VANGL1: variants seen among roughly 807,000 people sequenced by gnomAD.
VANGL1 encodes VANGL planar cell polarity protein 1.
In VANGL1, 18 loss-of-function variants were observed where a neutral mutation model predicts 48.4. The ratio of observed to expected loss-of-function variants is 0.37; its 90% CI spans 0.26 to 0.55. VANGL1 has a LOEUF of 0.55. Among genes scored for constraint, VANGL1 ranks in the 20% least tolerant of loss-of-function variants. The pLI is 0.81. For missense variants in VANGL1, 667 were observed against 675.8 expected (o/e 0.99, Z 0.14); for synonymous variants, 257 against 261.8 (o/e 0.98, Z 0.18).
At chr1:115,643,168 G>A (rs567088349) in intron 1 of VANGL1, among the ~76,000 whole-genome samples, 1 of 152,314 alleles carries the variant, frequency 6.6e-6, no homozygotes, top group East Asian at 1.9e-4. Flanking sequence ...TGTATTCTTA[G>A]ACACTTAGTC....
chr1:115,666,582 AC>A (rs1557768612), intron 4 of VANGL1, among the ~76,000 whole-genome samples: 1 of 151,794 alleles, frequency 6.6e-6, no homozygotes. Flanking sequence ...GCTTTAAAAA[AC>A]TCAAGTCAGT....
chr1:115,685,260 A>G, intron 6 of VANGL1, 33 bp from the exon 7 acceptor site: 5 of 1,611,960 alleles, frequency 3.1e-6, no homozygotes, highest in Non-Finnish European at 4.2e-6. Context: ...GGCAGGCACC[A>G]TCCTGATTAC....
Position 115,663,791 on chromosome 1 carries a change from G to T in VANGL1, c.335G>T (p.Gly112Val), listed in dbSNP as rs2101005020. The change falls in exon 4 of 8, where the codon GGC (glycine) becomes GTC (valine). Residue 112 changes from glycine to valine, a missense_variant. Coordinates refer to ENST00000355485, the MANE Select transcript of VANGL1 (RefSeq NM_138959.3). ...GGGCTGGATTGCAAACGCTACCTGG[G>T]CCTCACCGTCGCCTCTTTTCTTGGA... ...SVGLDCKRYLGLTVASFLGLL... is the reference protein window; with the variant it reads ...SVGLDCKRYLVLTVASFLGLL... The T allele has an allele frequency of 6.2e-7, 1 of 1,614,180 alleles. No individual in the cohort carries two copies. Among genetic ancestry groups the T allele is most frequent in the East Asian group, 2.2e-5 (1 of 44,876 alleles).
intron 2 of VANGL1, 98 bp from the exon 3 acceptor site, chr1:115,659,543 G>A: frequency 7.4e-7 from 1 of 1,346,394 alleles, no homozygotes; most frequent in South Asian, 1.2e-5. Flanking sequence ...GTGTGTGTAT[G>A]TAGAATTTCC....
chr1:115,685,556 C>A, intron 7 of VANGL1, 29 bp downstream of exon 7: 2 of 1,607,848 alleles, frequency 1.2e-6, no homozygotes, highest in South Asian at 1.1e-5. Context: ...GCTCTGCCAC[C>A]GTCATCCTGG....
At chr1:115,682,115 A>G (rs1435888271) in intron 4 of VANGL1, among the ~76,000 whole-genome samples, 3 of 152,214 alleles carry the variant, frequency 2.0e-5, no homozygotes, top group Admixed American at 1.3e-4. Flanking sequence ...CTCTTTCAAC[A>G]AAGGGCTAGA....
chr1:115,648,823 A>G (rs1206568369), intron 1 of VANGL1, among the ~76,000 whole-genome samples: 1 of 152,200 alleles, frequency 6.6e-6, no homozygotes, highest in Admixed American at 6.5e-5. Flanking sequence ...GCATTTAGCA[A>G]AAAGTAGCTG....
rs150886901 is a variant in VANGL1 at position 115,664,789 on chromosome 1, G to A, written c.812+521G>A. ...AGTGCAGGTTAGAGACTCCAAATGT[G>A]TAATCCTTGAGTGTTGTGAAAATGT... On this transcript the variant is annotated intron_variant, in intron 4 of 7. Coordinates refer to ENST00000355485, the MANE Select transcript of VANGL1 (RefSeq NM_138959.3). Among the ~76,000 whole-genome samples the A allele has an allele frequency of 3.4e-3, 522 of 152,274 alleles. 6 individuals are homozygous for A. The highest frequency in any genetic ancestry group is 0.012 in the African/African-American group (491 of 41,550).
rs369793642 is a variant in VANGL1, at chr1:115,668,057, T to G, written c.812+3789T>G. Among the ~76,000 whole-genome samples the G allele has an allele frequency of 1.7e-3, 257 of 152,340 alleles. 2 individuals are homozygous for G. Among genetic ancestry groups the G allele is most frequent in the African/African-American group, 4.9e-3 (203 of 41,582 alleles). On this transcript the variant is annotated intron_variant, in intron 4 of 7. Transcript: ENST00000355485. The stretch of plus-strand genomic sequence containing the variant: ...TTTCACAACAATCATGTGAGGTAGG[T>G]TCTGGTAGCCTCCTTTTCAGATGAG...
At chr1:115,664,403 G>C (rs1399599150) in intron 4 of VANGL1, 135 bp downstream of exon 4, 4 of 1,369,194 alleles carry the variant, frequency 2.9e-6, no homozygotes, top group African/African-American at 1.4e-5. Context: ...GTTTGGGGAG[G>C]AGATGCGAGG....
chr1:115,692,370 G>C lies in VANGL1; in HGVS notation c.*991G>C, dbSNP rs774778047. 2 of 152,780 alleles carry C rather than the reference G, an allele frequency of 1.3e-5. No individual in the cohort carries two copies. Among genetic ancestry groups the C allele is most frequent in the African/African-American group, 2.4e-5 (1 of 41,456 alleles). 9.5% of individuals were successfully genotyped at this position (152,780 alleles called of 1,614,324 possible). ...TGGAGCCACTTAATTTCCTGGGGACGTAAGTTCTTCCCAAGCTTAGAGCAA... is the reference window on the plus strand; with the variant it reads ...TGGAGCCACTTAATTTCCTGGGGACCTAAGTTCTTCCCAAGCTTAGAGCAA... On this transcript the variant is annotated 3_prime_UTR_variant, in exon 8 of 8. Transcript: ENST00000355485.
chr1:115,691,132 G>A lies in VANGL1; in HGVS notation c.1328G>A (p.Arg443Gln), dbSNP rs554185566. ...NGMTPKAFLE[R>Q]YLSAGPTLQY... The stretch of plus-strand genomic sequence containing the variant: ...CTCTGCTTCCAGGCCTTCCTAGAAC[G>A]GTACCTCAGTGCGGGCCCCACCCTG... The change falls in exon 8 of 8, where the codon CGG becomes CAG. Residue 443 changes from arginine to glutamine, a missense_variant. Physicochemically the swap from Arg to Gln is conservative, Grantham distance 43. Transcript: ENST00000355485. 29 of 1,614,110 alleles carry A rather than the reference G, an allele frequency of 1.8e-5. No individual in the cohort carries two copies. The highest frequency in any genetic ancestry group is 7.7e-5 in the South Asian group (7 of 91,080).
chr1:115,649,574 C>G (rs1225224974), intron 1 of VANGL1, among the ~76,000 whole-genome samples: 1 of 152,238 alleles, frequency 6.6e-6, no homozygotes, highest in African/African-American at 2.4e-5. Context: ...CAGTGACTTT[C>G]GTTTACCTAG....
intron 4 of VANGL1, among the ~76,000 whole-genome samples, chr1:115,670,625 G>A (rs960587062): frequency 2.0e-5 from 3 of 152,132 alleles, no homozygotes; most frequent in African/African-American, 4.8e-5. Context: ...GCTGGGCCAC[G>A]CCCTCCATCC....
At chr1:115,678,378 C>T (rs533603264) in intron 4 of VANGL1, among the ~76,000 whole-genome samples, 2 of 152,304 alleles carry the variant, frequency 1.3e-5, no homozygotes, top group South Asian at 4.1e-4. Flanking sequence ...CTCCCTGCAT[C>T]CTGGCCTCCC....
chr1:115,650,649 T>C (rs1652104047), intron 1 of VANGL1, among the ~76,000 whole-genome samples: 1 of 152,144 alleles, frequency 6.6e-6, no homozygotes, highest in Non-Finnish European at 1.5e-5. Context: ...ATTTTAAACA[T>C]ATGTGATACT....
At chr1:115,651,080 A>T (rs1299167817) in intron 1 of VANGL1, among the ~76,000 whole-genome samples, 197 bp from the exon 2 acceptor site, 1 of 152,052 alleles carries the variant, frequency 6.6e-6, no homozygotes, top group African/African-American at 2.4e-5. Context: ...CTCAGCGCCT[A>T]TCCTGTCTCC....
chr1:115,656,766 A>G (rs910738436), intron 2 of VANGL1, among the ~76,000 whole-genome samples: 1 of 152,082 alleles, frequency 6.6e-6, no homozygotes. Flanking sequence ...GGCTGTTTCC[A>G]CCCCTGGGTG....
At chr1:115,678,086 A>T (rs1653232978) in intron 4 of VANGL1, among the ~76,000 whole-genome samples, 1 of 152,252 alleles carries the variant, frequency 6.6e-6, no homozygotes, top group Non-Finnish European at 1.5e-5. Context: ...CCATGGAGGA[A>T]CCAAAGGACG....
Sources: gnomAD v4.1 joint callset for allele counts (sites outside exome capture counted in the v4.1 genomes callset) on GRCh38, gnomAD v4.1.1 for gene constraint, MANE v1.5 for transcripts, NCBI Gene and HGNC (gene_info 2026-07-23, HGNC 2026-07-21) for gene names.